The following NSD1 variants were observed in gnomAD, a reference collection of about 807,000 sequenced individuals.
NSD1 encodes histone-lysine N-methyltransferase, H3 lysine-36 specific.
A neutral mutation model predicts 242.7 loss-of-function variants in NSD1; 26 were observed. The ratio of observed to expected loss-of-function variants is 0.11; its 90% CI spans 0.08 to 0.15. The LOEUF (loss-of-function observed/expected upper bound fraction) is 0.15. NSD1 is among the 10% of genes least tolerant of loss of function. The pLI is 1.00. For missense variants in NSD1, 2,495 were observed against 3,272.8 expected (o/e 0.76, Z 5.80); for synonymous variants, 1,106 against 1,178.1 (o/e 0.94, Z 1.25).
intron 21 of NSD1, among the ~76,000 whole-genome samples, chr5:177,290,444 G>C (rs889112562): frequency 6.9e-6 from 1 of 144,384 alleles, no homozygotes; most frequent in African/African-American, 2.6e-5. Context: ...GTCTCGCTCT[G>C]TTGCCCAGGC....
At chr5:177,273,928 G>A (rs375319079) in intron 17 of NSD1, 144 bp downstream of exon 17, 12 of 622,374 alleles carry the variant, frequency 1.9e-5, no homozygotes, top group South Asian at 8.5e-5. Flanking sequence ...AGAAATAGCC[G>A]GGCACGGTGG....
rs1162057713 is a variant in NSD1, at chr5:177,238,587, G to A, written c.4192+80G>A. 24 of 1,513,518 alleles carry A rather than the reference G, an allele frequency of 1.6e-5. No homozygotes were observed. Among genetic ancestry groups the A allele is most frequent in the Non-Finnish European group, 2.1e-5 (23 of 1,101,598 alleles). The allele number at this position is 1,513,518 out of a possible 1,614,324, so 93.8% of individuals were successfully genotyped here. On this transcript the variant is annotated intron_variant, in intron 7 of 22. Transcript: ENST00000439151. This position sits in a 1 kb window ranked among gnomAD's most constrained non-coding sequence, Gnocchi z 4.6. ...AGATTTTAGTATGTTTTGATGTAAA[G>A]CCAACATTGTATCTATATACAATAA...
chr5:177,194,074 G>A (rs13167431), intron 3 of NSD1, among the ~76,000 whole-genome samples: 3 of 151,982 alleles, frequency 2.0e-5, no homozygotes, highest in Non-Finnish European at 4.4e-5. Context: ...ACCACACCTG[G>A]CTGATATTAA....
At chr5:177,152,579 A>G (rs11960933) in intron 2 of NSD1, among the ~76,000 whole-genome samples, 3,793 of 145,542 alleles carry the variant, frequency 0.026, 49 homozygotes, top group African/African-American at 0.03. Flanking sequence ...TCAGCCTCCC[A>G]AGTAGCTGGG....
intron 2 of NSD1, among the ~76,000 whole-genome samples, chr5:177,146,145 T>C (rs917491445): frequency 6.6e-6 from 1 of 151,674 alleles, no homozygotes; most frequent in African/African-American, 2.4e-5. Context: ...TGGTAATATT[T>C]TGCAAAAAAT....
Position 177,238,523 on chromosome 5 carries a change from G to C in NSD1, c.4192+16G>C. ...AAAACGCCAGGTAAGGTGGGGTTGG[G>C]GTCTCAGTATTTGAGCAGATATGAT... On this transcript the variant is annotated intron_variant, in intron 7 of 22. Transcript: ENST00000439151. The surrounding 1 kb of genome is among the most constrained non-coding windows in gnomAD (Gnocchi z 4.6). 6.2e-7 allele frequency: 1 copy of C among 1,610,522 alleles called. No homozygotes were observed.
At chr5:177,257,433 G>A (rs193003653) in intron 13 of NSD1, among the ~76,000 whole-genome samples, 15 of 151,960 alleles carry the variant, frequency 9.9e-5, no homozygotes, top group East Asian at 7.8e-4. Context: ...GGGTTTCACC[G>A]TGTTAGCCAG....
intron 2 of NSD1, chr5:177,169,588 A>T (rs1759519118): frequency 6.2e-6 from 1 of 162,344 alleles, no homozygotes; most frequent in Non-Finnish European, 1.3e-5. Flanking sequence ...CCTGGGGCAA[A>T]CGTGTTGTTG....
At chr5:177,292,253 G>A in intron 22 of NSD1, 95 bp downstream of exon 22, 5 of 1,268,534 alleles carry the variant, frequency 3.9e-6, no homozygotes, top group Non-Finnish European at 5.7e-6. Flanking sequence ...AGTGCCATTT[G>A]GTCTTTCCAT....
At chr5:177,267,412 T>A in intron 14 of NSD1, 150 bp from the exon 15 acceptor site, 1 of 708,356 alleles carries the variant, frequency 1.4e-6, no homozygotes, top group Non-Finnish European at 2.4e-6. Context: ...ATGCTGTTTA[T>A]ACTCTGGTCA....
chr5:177,280,972 C>T (rs936989895), intron 18 of NSD1, 138 bp downstream of exon 18: 20 of 979,868 alleles, frequency 2.0e-5, no homozygotes, highest in Non-Finnish European at 2.6e-5. Context: ...CTTGCCATAT[C>T]CTTCTACCGT....
At position 177,278,941 on chromosome 5, in the gene NSD1, G is replaced by GT. The variant is rs1374280994; in HGVS notation, c.5623-1623dup. Reference sequence around the variant, plus strand: ...TAAAACCTCTACATTAATGGCTTTGGTGTCACAATAACTGTTTGACCTTCA... The same window carrying GT: ...TAAAACCTCTACATTAATGGCTTTGGTTGTCACAATAACTGTTTGACCTTCA... On this transcript the variant is annotated intron_variant, in intron 17 of 22. Transcript: ENST00000439151. Among the ~76,000 whole-genome samples the GT allele has an allele frequency of 2.6e-5, 4 of 152,258 alleles. No individual in the cohort carries two copies. In the South Asian group the frequency reaches 6.2e-4, roughly 24 times the overall value.
chr5:177,236,051 A>G (rs144582880), intron 6 of NSD1, 106 bp downstream of exon 6: 240 of 1,300,016 alleles, frequency 1.8e-4, no homozygotes, highest in Non-Finnish European at 2.4e-4. Context: ...CTTAACTGAG[A>G]TCTTGTTTTT....
intron 14 of NSD1, among the ~76,000 whole-genome samples, chr5:177,263,054 A>C (rs1181417587): frequency 2.6e-5 from 4 of 152,206 alleles, no homozygotes; most frequent in African/African-American, 9.6e-5. Flanking sequence ...TATCAGAACC[A>C]ATGACAATGT....
At chr5:177,133,713 C>A (rs1367774858), upstream of NSD1, 2 of 148,328 alleles carry the variant, frequency 1.3e-5, no homozygotes, top group South Asian at 4.2e-4. The surrounding 1 kb of genome is among the most constrained non-coding windows in gnomAD (Gnocchi z 6.2). Flanking sequence ...CGGGCCGGCG[C>A]GAGGCGCTCG....
chr5:177,158,216 CTTTAGCCTAT>C (rs1166811106), intron 2 of NSD1, among the ~76,000 whole-genome samples: 1 of 151,606 alleles, frequency 6.6e-6, no homozygotes, highest in African/African-American at 2.4e-5. Flanking sequence ...TACAGTCCTA[CTTTAGCCTAT>C]ATGGGTTCTA....
Position 177,297,993 on chromosome 5 carries a change from C to A in NSD1, c.*2534C>A. 4.3e-6 allele frequency: 1 copy of A among 232,726 alleles called. No homozygotes were observed. The highest frequency in any genetic ancestry group is 6.0e-5 in the East Asian group (1 of 16,572). The allele number at this position is 232,726 out of a possible 1,614,324, so 14.4% of individuals were successfully genotyped here. ...GGCCATTGAATGGGAACTAGAAAAC[C>A]ACTGGAAACTAGAAATTTGAGCTAT... On this transcript the variant is annotated 3_prime_UTR_variant, in exon 23 of 23. Coordinates refer to ENST00000439151, the MANE Select transcript of NSD1 (RefSeq NM_022455.5).
At chr5:177,280,908 A>G in intron 18 of NSD1, 74 bp downstream of exon 18, 1 of 1,466,422 alleles carries the variant, frequency 6.8e-7, no homozygotes, top group Non-Finnish European at 9.5e-7. Flanking sequence ...TTGACATTAG[A>G]AAATTCATCA....
chr5:177,293,812 A>T lies in NSD1; in HGVS notation c.6464-20A>T. 2 of 1,613,418 alleles carry T rather than the reference A, an allele frequency of 1.2e-6. No homozygotes were observed. Among genetic ancestry groups the T allele is most frequent in the Non-Finnish European group, 1.7e-6 (2 of 1,179,866 alleles). ...GTATCTCTTTTTTCCTAAACTTTTG[A>T]TTTACTTCTGTGTTTTCAGGGAAAT... On this transcript the variant is annotated intron_variant, in intron 22 of 22. Coordinates refer to ENST00000439151, the MANE Select transcript of NSD1 (RefSeq NM_022455.5).
Sources: allele counts gnomAD v4.1 joint callset (sites outside exome capture counted in the v4.1 genomes callset), GRCh38; gene constraint gnomAD v4.1.1; non-coding constraint Gnocchi (gnomAD v3.1); transcripts MANE v1.5; gene names NCBI Gene and HGNC (gene_info 2026-07-23, HGNC 2026-07-21).